The following GK variants were observed in gnomAD, a reference collection of about 807,000 sequenced individuals.
GK encodes the protein glycerol kinase.
A neutral mutation model predicts 56.4 loss-of-function variants in GK; 9 were observed. That is an observed-to-expected ratio of 0.16 (90% CI 0.10 to 0.28). The LOEUF (loss-of-function observed/expected upper bound fraction) is 0.28, where lower values mean the gene tolerates loss of function less well. Ranked by LOEUF, GK falls within the 10% of genes least tolerant of loss-of-function variation. GK has a pLI of 1.00. For missense variants in GK, 161 were observed against 431.4 expected (o/e 0.37, Z 5.55); for synonymous variants, 104 against 144.1 (o/e 0.72, Z 1.99).
chrX:30,716,449 CA>C (rs199935412), intron 13 of GK, among the ~76,000 whole-genome samples: 38 of 108,802 alleles, frequency 3.5e-4, no homozygotes, highest in African/African-American at 9.7e-4. Context: ...AAAGATAGTA[CA>C]AAAAAAAATC....
intron 3 of GK, among the ~76,000 whole-genome samples, chrX:30,675,519 CTTT>C (rs752900168): frequency 7.8e-5 from 7 of 90,162 alleles, no homozygotes; most frequent in Admixed American, 1.2e-4. Flanking sequence ...TTTTATTCTT[CTTT>C]TTTTTTTTTT....
intron 18 of GK, chrX:30,723,899 C>T: frequency 2.2e-6 from 1 of 449,042 alleles, no homozygotes; most frequent in Non-Finnish European, 4.1e-6. Context: ...CTGTTTCACT[C>T]CAACTTCCAA....
chrX:30,689,151 G>A (rs964568718), intron 4 of GK, among the ~76,000 whole-genome samples: 1 of 112,248 alleles, frequency 8.9e-6, no homozygotes, highest in African/African-American at 3.2e-5. Context: ...GAAACACTGA[G>A]TATTGAGATG....
intron 9 of GK, 99 bp from the exon 10 acceptor site, chrX:30,700,315 C>T: frequency 1.9e-6 from 1 of 536,355 alleles, no homozygotes; most frequent in African/African-American, 2.3e-5. Flanking sequence ...CTGCCCACAT[C>T]CTCTGGCACA....
intron 18 of GK, chrX:30,723,787 C>T (rs1601955652): frequency 3.5e-6 from 1 of 282,154 alleles, no homozygotes; most frequent in East Asian, 7.8e-5. Context: ...CCACATTGCT[C>T]AAGCTGGTCT....
intron 11 of GK, among the ~76,000 whole-genome samples, chrX:30,704,338 C>T (rs1015494868): frequency 1.9e-5 from 2 of 106,814 alleles, no homozygotes; most frequent in Admixed American, 2.0e-4. Context: ...TACTATATTG[C>T]CCAGGCTGTG....
intron 13 of GK, among the ~76,000 whole-genome samples, chrX:30,710,834 GTTTAACCATATATTT>G (rs1322684285): frequency 9.1e-6 from 1 of 110,290 alleles, no homozygotes; most frequent in African/African-American, 3.3e-5. Flanking sequence ...TTAAGATATT[GTTTAACCATATATTT>G]TTCTAAGAGT....
chrX:30,688,979 CA>C (rs1477472119), intron 4 of GK, among the ~76,000 whole-genome samples: 1 of 112,401 alleles, frequency 8.9e-6, no homozygotes, highest in African/African-American at 3.2e-5. Flanking sequence ...AATGATCCAG[CA>C]AATCCACATA....
chrX:30,696,084 G>C lies in GK; in HGVS notation c.595G>C (p.Val199Leu). The change falls in exon 7 of 21, where the codon GTA becomes CTA. Residue 199 changes from valine (V) to leucine (L), a missense_variant. Transcript: ENST00000427190. ...CAATGGAGGTGTCCACTGTACAGAT[G>C]TAACAAATGCAAGTAGGACTATGCT... ...GVNGGVHCTD[V>L]TNASRTMLFN... The C allele has an allele frequency of 8.6e-7, 1 of 1,162,036 alleles. No individual in the cohort carries two copies. The highest frequency in any genetic ancestry group is 3.0e-5 in the East Asian group (1 of 33,639).
chrX:30,715,607 C>A (rs746334742), intron 13 of GK, among the ~76,000 whole-genome samples: 1 of 111,741 alleles, frequency 8.9e-6, no homozygotes, highest in South Asian at 3.7e-4. Flanking sequence ...AGTAGACAGT[C>A]ACCTTCTTTT....
chrX:30,725,893 T>C (rs971095018), intron 19 of GK, among the ~76,000 whole-genome samples: 44 of 110,535 alleles, frequency 4.0e-4, no homozygotes, highest in African/African-American at 1.3e-3. Flanking sequence ...GACCTCATGA[T>C]CCACCCGCCT....
At chrX:30,693,927 G>T (rs1175576306) in intron 5 of GK, among the ~76,000 whole-genome samples, 3 of 111,771 alleles carry the variant, frequency 2.7e-5, no homozygotes, top group Non-Finnish European at 5.6e-5. Context: ...TTGAACTTGT[G>T]TGTGTATATA....
intron 13 of GK, among the ~76,000 whole-genome samples, chrX:30,708,466 G>A (rs1054599384): frequency 2.8e-5 from 3 of 108,037 alleles, no homozygotes; most frequent in Admixed American, 1.0e-4. Flanking sequence ...CTTTCATCTT[G>A]AAAATTCTTT....
intron 18 of GK, chrX:30,721,341 G>T (rs189917855): frequency 1.1e-4 from 27 of 236,388 alleles, no homozygotes; most frequent in African/African-American, 6.8e-4. Context: ...GCCCAGGCTG[G>T]AGTGCAGTGG....
At position 30,677,976 on chromosome X, in the gene GK, T is replaced by C. The variant is rs774735291; in HGVS notation, c.337+524T>C. 7.3e-6 allele frequency: 4 copies of C among 548,417 alleles called. No homozygotes were observed. The East Asian group carries it at 9.9e-5, about 14-fold the overall frequency. The allele number at this position is 548,417 out of a possible 1,213,427, so 45.2% of individuals were successfully genotyped here. On this transcript the variant is annotated intron_variant, in intron 4 of 20. Transcript: ENST00000427190. ...TTCACATAGTGAATTAACTCTCCCA[T>C]GCTCTCTCCTCTTGCAGATTGTCTT...
At chrX:30,655,660 C>T (rs1932212552) in intron 1 of GK, among the ~76,000 whole-genome samples, 1 of 112,390 alleles carries the variant, frequency 8.9e-6, no homozygotes, top group Non-Finnish European at 1.9e-5. Flanking sequence ...ACTTTGTAGG[C>T]TTCCTTTAGG....
chrX:30,704,956 A>G (rs1017605635), intron 11 of GK, among the ~76,000 whole-genome samples: 1 of 112,362 alleles, frequency 8.9e-6, no homozygotes, highest in Admixed American at 9.4e-5. Context: ...GTAAGCAGGT[A>G]GGAAATCGAA....
chrX:30,692,953 A>G (rs1345357059), intron 5 of GK, among the ~76,000 whole-genome samples: 1 of 106,035 alleles, frequency 9.4e-6, no homozygotes, highest in African/African-American at 3.4e-5. Context: ...ATAAGAATAC[A>G]GATGGGGAGG....
In GK at chrX:30,728,958, A is replaced by C. The variant is rs1260872069; in HGVS notation, c.*216A>C. 2.5e-6 allele frequency: 1 copy of C among 400,506 alleles called. No individual in the cohort carries two copies. The highest frequency in any genetic ancestry group is 4.3e-6 in the Non-Finnish European group (1 of 231,395). 33.0% of individuals were successfully genotyped at this position (400,506 alleles called of 1,213,427 possible). ...TATTTGGTGGTTTTTTTTTTTTTTA[A>C]ACATCCACAGTTAAGGTTGGGCCAG... On this transcript the variant is annotated 3_prime_UTR_variant, in exon 21 of 21. Transcript: ENST00000427190.
Sources: gnomAD v4.1 joint callset for allele counts (sites outside exome capture counted in the v4.1 genomes callset) on GRCh38, gnomAD v4.1.1 for gene constraint, MANE v1.5 for transcripts, NCBI Gene and HGNC (gene_info 2026-07-23, HGNC 2026-07-21) for gene names.